The following NRXN3 variants were observed in gnomAD, a reference collection of about 807,000 sequenced individuals.
NRXN3 encodes the protein neurexin III.
NRXN3 carries 32 observed loss-of-function variants against 137.6 expected under a neutral mutation model. That is an observed-to-expected ratio of 0.23 (90% CI 0.18 to 0.31). The LOEUF (loss-of-function observed/expected upper bound fraction) is 0.31, where lower values mean the gene tolerates loss of function less well. Ranked by LOEUF, NRXN3 falls within the 10% of genes least tolerant of loss-of-function variation. NRXN3 has a pLI of 1.00. For missense variants in NRXN3, 1,574 were observed against 2,062.5 expected (o/e 0.76, Z 4.59); for synonymous variants, 798 against 784.5 (o/e 1.02, Z -0.29).
intron 10 of NRXN3, among the ~76,000 whole-genome samples, chr14:78,881,199 A>G (rs886131597): frequency 4.6e-5 from 7 of 151,670 alleles, no homozygotes; most frequent in Admixed American, 4.6e-4. Flanking sequence ...TAAATTACCC[A>G]GTCCTGGGTA....
chr14:79,410,466 G>GT lies in NRXN3; in HGVS notation c.3263-56743dup, dbSNP rs980734228. 3.4e-3 allele frequency among the ~76,000 whole-genome samples: 490 copies of GT among 142,574 alleles called. 2 individuals are homozygous for GT. The highest frequency in any genetic ancestry group is 0.011 in the Middle Eastern group (3 of 272). 93.5% of individuals were successfully genotyped at this position (142,574 alleles called of 152,430 possible). On this transcript the variant is annotated intron_variant, in intron 15 of 20. Coordinates refer to ENST00000335750, the MANE Select transcript of NRXN3 (RefSeq NM_001330195.2). ...TATTGTCAATAACTATTCCCAGAAGGTTTTTTTTTTTTCAGATCTACTAGA... is the reference window on the plus strand; with the variant it reads ...TATTGTCAATAACTATTCCCAGAAGGTTTTTTTTTTTTTCAGATCTACTAGA...
chr14:78,264,011 T>C (rs2071261235), intron 2 of NRXN3, among the ~76,000 whole-genome samples: 1 of 151,918 alleles, frequency 6.6e-6, no homozygotes, highest in Non-Finnish European at 1.5e-5. Context: ...CGTCAGTCCC[T>C]TTCCTAATAG....
intron 15 of NRXN3, among the ~76,000 whole-genome samples, chr14:79,126,516 A>G (rs2056509722): frequency 6.6e-6 from 1 of 152,138 alleles, no homozygotes; most frequent in Non-Finnish European, 1.5e-5. Flanking sequence ...ATCATTTTTT[A>G]TGGCTGCATA....
At chr14:78,271,678 C>T (rs978808459) in intron 2 of NRXN3, among the ~76,000 whole-genome samples, 9 of 152,180 alleles carry the variant, frequency 5.9e-5, no homozygotes, top group African/African-American at 2.2e-4. Flanking sequence ...TCTTCCCCTC[C>T]TGGCCGCTGC....
At chr14:79,348,132 A>G (rs1372795347) in intron 15 of NRXN3, among the ~76,000 whole-genome samples, 1 of 152,104 alleles carries the variant, frequency 6.6e-6, no homozygotes, top group Non-Finnish European at 1.5e-5. Flanking sequence ...ACAGAGCCAC[A>G]AGTTTTTTTC....
At chr14:78,197,242 T>C (rs1188515535) in intron 1 of NRXN3, among the ~76,000 whole-genome samples, 1 of 152,222 alleles carries the variant, frequency 6.6e-6, no homozygotes, top group Non-Finnish European at 1.5e-5. Context: ...GCATAATCAA[T>C]ACAGGAGGCT....
At chr14:79,125,296 C>A (rs1377805203) in intron 15 of NRXN3, among the ~76,000 whole-genome samples, 13 of 152,136 alleles carry the variant, frequency 8.5e-5, no homozygotes, top group African/African-American at 2.9e-4. Context: ...ATAAAATTAT[C>A]TTCTGTATTT....
intron 4 of NRXN3, among the ~76,000 whole-genome samples, chr14:78,320,817 C>T (rs2079245342): frequency 6.6e-6 from 1 of 152,136 alleles, no homozygotes; most frequent in Admixed American, 6.5e-5. Flanking sequence ...CAGCATCTCA[C>T]CTAAGATCAC....
At chr14:79,297,768 T>C (rs1038567098) in intron 15 of NRXN3, among the ~76,000 whole-genome samples, 2 of 152,092 alleles carry the variant, frequency 1.3e-5, no homozygotes, top group Non-Finnish European at 2.9e-5. Context: ...ACAGGTGTTA[T>C]TGGGTAGCAA....
intron 15 of NRXN3, among the ~76,000 whole-genome samples, chr14:79,254,981 G>A (rs564074613): frequency 5.3e-5 from 8 of 151,828 alleles, no homozygotes; most frequent in South Asian, 4.2e-4. Flanking sequence ...GCAAGTTTGC[G>A]CTAACTCCCA....
chr14:79,835,562 T>G (rs1333152358), intron 20 of NRXN3, among the ~76,000 whole-genome samples: 1 of 152,190 alleles, frequency 6.6e-6, no homozygotes, highest in Middle Eastern at 3.2e-3. Context: ...GTTCTGGGAT[T>G]TAGGGCTAAC....
At chr14:78,497,983 C>T (rs1052342041) in intron 4 of NRXN3, among the ~76,000 whole-genome samples, 1 of 152,134 alleles carries the variant, frequency 6.6e-6, no homozygotes, top group African/African-American at 2.4e-5. Context: ...TTCGCTTTTT[C>T]ATCAGTTTAT....
intron 15 of NRXN3, among the ~76,000 whole-genome samples, chr14:78,993,894 G>A (rs1176533820): frequency 7.8e-6 from 1 of 128,288 alleles, no homozygotes; most frequent in Non-Finnish European, 1.6e-5. Context: ...CTGTTGCCCA[G>A]GCTGGATTGC....
intron 6 of NRXN3, among the ~76,000 whole-genome samples, chr14:78,673,872 G>A (rs150161798): frequency 6.6e-6 from 1 of 152,196 alleles, no homozygotes; most frequent in South Asian, 2.1e-4. Context: ...GGCACCTTCC[G>A]TAGGAAGTCT....
chr14:78,964,553 T>A (rs1413935035), intron 11 of NRXN3, among the ~76,000 whole-genome samples: 1 of 152,186 alleles, frequency 6.6e-6, no homozygotes, highest in African/African-American at 2.4e-5. Flanking sequence ...TTCAGGAAAG[T>A]TGTTAAAGAG....
At chr14:78,201,283 A>G (rs931547899) in intron 1 of NRXN3, among the ~76,000 whole-genome samples, 2 of 152,208 alleles carry the variant, frequency 1.3e-5, no homozygotes, top group African/African-American at 4.8e-5. Context: ...GACTTTGTAC[A>G]GCCTAAATTC....
At chr14:79,699,171 T>C (rs958032113) in intron 19 of NRXN3, among the ~76,000 whole-genome samples, 2 of 151,974 alleles carry the variant, frequency 1.3e-5, no homozygotes, top group Admixed American at 6.6e-5. Flanking sequence ...ATTACCTGCA[T>C]ACCTACACAC....
chr14:79,365,982 A>G (rs991715287), intron 15 of NRXN3, among the ~76,000 whole-genome samples: 3 of 152,084 alleles, frequency 2.0e-5, no homozygotes, highest in Non-Finnish European at 1.5e-5. Flanking sequence ...TGTGACTAGT[A>G]CTATGCTAGG....
At chr14:78,281,019 A>G (rs938315605) in intron 3 of NRXN3, among the ~76,000 whole-genome samples, 3 of 152,198 alleles carry the variant, frequency 2.0e-5, no homozygotes, top group African/African-American at 7.2e-5. Flanking sequence ...ATTGCAGCCT[A>G]ATTTCAGATC....
Sources: gnomAD v4.1 joint callset for allele counts (sites outside exome capture counted in the v4.1 genomes callset) on GRCh38, gnomAD v4.1.1 for gene constraint, MANE v1.5 for transcripts, NCBI Gene and HGNC (gene_info 2026-07-23, HGNC 2026-07-21) for gene names.